Variants in NUP58 observed in about 807,000 individuals in gnomAD.
NUP58 encodes the protein nucleoporin 58, also known as nucleoporin p58/p45.
Under a neutral mutation model 70.1 loss-of-function variants are expected in NUP58, and 17 were observed. The ratio of observed to expected loss-of-function variants is 0.24; its 90% CI spans 0.17 to 0.36. NUP58 has a LOEUF of 0.36. Ranked by LOEUF, NUP58 falls within the 10% of genes least tolerant of loss-of-function variation. NUP58 has a pLI of 1.00. For missense variants in NUP58, 644 were observed against 701.5 expected, an observed-to-expected ratio of 0.92 and a Z score of 0.93; for synonymous variants, 275 against 257.6, an observed-to-expected ratio of 1.07 and a Z score of -0.65.
intron 3 of NUP58, 128 bp from the exon 4 acceptor site, chr13:25,312,755 C>A: frequency 1.2e-6 from 1 of 810,430 alleles, no homozygotes; most frequent in Non-Finnish European, 1.9e-6. Context: ...ACAGATACAC[C>A]CTTCTTCTAT....
chr13:25,326,011 G>GTATA (rs1243539297), intron 10 of NUP58, among the ~76,000 whole-genome samples: 3 of 152,016 alleles, frequency 2.0e-5, no homozygotes, highest in Non-Finnish European at 4.4e-5. Context: ...TTCTATGTGT[G>GTATA]TATATACATT....
intron 14 of NUP58, 54 bp from the exon 15 acceptor site, chr13:25,338,582 C>G (rs1232034688): frequency 7.5e-7 from 1 of 1,328,800 alleles, no homozygotes; most frequent in Non-Finnish European, 1.1e-6. Context: ...TGTCCATATC[C>G]TTTAACCTGT....
At chr13:25,313,821 A>G (rs2030797644) in intron 5 of NUP58, 70 bp downstream of exon 5, 1 of 1,281,120 alleles carries the variant, frequency 7.8e-7, no homozygotes, top group East Asian at 3.1e-5. Flanking sequence ...TTATTTTAGT[A>G]CTTTGAGCAG....
chr13:25,338,600 G>T, intron 14 of NUP58, 36 bp from the exon 15 acceptor site: 5 of 1,456,468 alleles, frequency 3.4e-6, no homozygotes, highest in Non-Finnish European at 4.8e-6. Flanking sequence ...TGTGTTTTAT[G>T]TGCCATTGTA....
Position 25,313,008 on chromosome 13 carries a change from T to C in NUP58, c.412T>C (p.Ser138Pro). The change falls in exon 4 of 16, where the codon TCT becomes CCT. Residue 138 changes from serine (S) to proline (P), a missense_variant. By Grantham distance (74) the Ser-to-Pro change is moderately conservative. Transcript: ENST00000381736. ...CTCAGCTAGCGGTCTGACTCTTTCG[T>C]CTGCTCTGACATCAACTCCAGCAGG... ...STSASGLTLS[S>P]ALTSTPAAST... 6.2e-7 allele frequency: 1 copy of C among 1,614,086 alleles called. No individual in the cohort carries two copies. Among genetic ancestry groups the C allele is most frequent in the South Asian group, 1.1e-5 (1 of 91,036 alleles).
At chr13:25,334,030 GTCC>G (rs965419794) in intron 13 of NUP58, 3 of 985,116 alleles carry the variant, frequency 3.0e-6, no homozygotes, top group South Asian at 4.7e-5. Context: ...CGACTTCTTT[GTCC>G]TCCTTCAATT....
intron 12 of NUP58, among the ~76,000 whole-genome samples, chr13:25,329,008 T>C (rs1180009503): frequency 6.6e-6 from 1 of 152,200 alleles, no homozygotes; most frequent in Non-Finnish European, 1.5e-5. Context: ...TAGTGCACTT[T>C]AGACCTTTTG....
At chr13:25,326,153 A>G (rs2137794194) in intron 10 of NUP58, among the ~76,000 whole-genome samples, 1 of 152,334 alleles carries the variant, frequency 6.6e-6, no homozygotes, top group East Asian at 1.9e-4. Context: ...CATAATGCCC[A>G]TGATATTCGT....
intron 14 of NUP58, among the ~76,000 whole-genome samples, 159 bp from the exon 15 acceptor site, chr13:25,338,477 A>G (rs530577563): frequency 4.6e-5 from 7 of 152,312 alleles, no homozygotes; most frequent in South Asian, 2.1e-4. Context: ...TAGTTCTTCT[A>G]AAAGTCTCAT....
In NUP58 at chr13:25,313,694, G is replaced by A; in HGVS notation, c.517G>A (p.Gly173Arg). The change falls in exon 5 of 16, where the codon GGA (glycine) becomes AGA (arginine). Residue 173 changes from glycine to arginine, a missense_variant. Gly to Arg is a moderately radical substitution (Grantham distance 125). Transcript: ENST00000381736. ...TGCATCAACAGGCCTCTCTTTAGGG[G>A]GAGCCTTAGCTGGTTTGGGAGGTTC... is the stretch of plus-strand genomic sequence containing the variant. Reference protein sequence around the residue: ...TTASTGLSLGGALAGLGGSLF... With the variant: ...TTASTGLSLGRALAGLGGSLF... 2 of 1,531,036 alleles carry A rather than the reference G, an allele frequency of 1.3e-6. No homozygotes were observed. The highest frequency in any genetic ancestry group is 1.7e-6 in the Non-Finnish European group (2 of 1,152,238). The allele number at this position is 1,531,036 out of a possible 1,614,324, so 94.8% of individuals were successfully genotyped here.
chr13:25,335,817 T>C (rs2031760551), intron 13 of NUP58: 2 of 988,132 alleles, frequency 2.0e-6, no homozygotes, highest in African/African-American at 3.5e-5. Flanking sequence ...AATTTTAGTG[T>C]GTATATTACT....
Position 25,349,288 on chromosome 13 carries a change from C to A in NUP58, n.322-274C>A, listed in dbSNP as rs191619733. Among the ~76,000 whole-genome samples the A allele has an allele frequency of 1.6e-4, 25 of 152,136 alleles. No homozygotes were observed. The East Asian group carries it at 4.8e-3, about 29-fold the overall frequency. On this transcript the variant is annotated intron_variant and non_coding_transcript_variant, in intron 3 of 3. Transcript: ENST00000477876. ...GTGGGAAAAGGGTTACTTCAGTGAC[C>A]CTCCCTGTTGATCTTTCTCCATATA...
chr13:25,321,600 G>A (rs180830558), intron 9 of NUP58, among the ~76,000 whole-genome samples: 1 of 152,138 alleles, frequency 6.6e-6, no homozygotes, highest in Non-Finnish European at 1.5e-5. Context: ...TTGATGACTT[G>A]CAAGTCGTGG....
chr13:25,312,868 T>C lies in NUP58; in HGVS notation c.287-15T>C. 1 of 1,571,686 alleles carries C rather than the reference T, an allele frequency of 6.4e-7. No homozygotes were observed. Among genetic ancestry groups the C allele is most frequent in the Non-Finnish European group, 8.6e-7 (1 of 1,157,088 alleles). ...ATTTTTGTTTGTTTGTTTATTCATT[T>C]ATTTATTTAAATAGGAACGCCAGCC... On this transcript the variant is annotated splice_polypyrimidine_tract_variant and intron_variant, in intron 3 of 15. Transcript: ENST00000381736.
chr13:25,309,357 C>CT, intron 3 of NUP58, 75 bp downstream of exon 3: 1 of 1,101,034 alleles, frequency 9.1e-7, no homozygotes, highest in Non-Finnish European at 1.3e-6. Context: ...TCTTTCTACT[C>CT]TTCTCTCTTC....
rs530277723 is a variant in NUP58 at position 25,301,883 on chromosome 13, A to G, written c.107+3A>G. 8.1e-6 allele frequency: 13 copies of G among 1,602,006 alleles called. No homozygotes were observed. In the Admixed American group the frequency reaches 1.2e-4, roughly 14 times the overall value. On this transcript the variant is annotated splice_donor_region_variant and intron_variant, in intron 1 of 15. Transcript: ENST00000381736. Reference sequence around the variant, plus strand: ...TCCTTCGGAACGGGAGCGTCTAGGTAACCGCACTTTCTCGCCTTCCTGGGC... The same window carrying G: ...TCCTTCGGAACGGGAGCGTCTAGGTGACCGCACTTTCTCGCCTTCCTGGGC...
At chr13:25,309,326 T>A in intron 3 of NUP58, 44 bp downstream of exon 3, 1 of 1,406,956 alleles carries the variant, frequency 7.1e-7, no homozygotes, top group Non-Finnish European at 1.0e-6. Context: ...GGTCTTCTAA[T>A]AATTTTAATA....
At chr13:25,332,670 A>G in intron 13 of NUP58, 1 of 985,466 alleles carries the variant, frequency 1.0e-6, no homozygotes, top group Non-Finnish European at 1.2e-6. Flanking sequence ...GCCATAAGTA[A>G]AGGGTTGATG....
chr13:25,310,283 C>T (rs148928859), intron 3 of NUP58, among the ~76,000 whole-genome samples: 6,524 of 134,832 alleles, frequency 0.048, 524 homozygotes, highest in African/African-American at 0.17. Flanking sequence ...TGCAATGGTG[C>T]AATCTTGGCT....
Sources: gnomAD v4.1 joint callset for allele counts (sites outside exome capture counted in the v4.1 genomes callset) on GRCh38, gnomAD v4.1.1 for gene constraint, MANE v1.5 for transcripts, NCBI Gene and HGNC (gene_info 2026-07-23, HGNC 2026-07-21) for gene names.